Variants in MAPK4 observed in about 807,000 individuals in gnomAD.
The protein encoded by MAPK4 is mitogen-activated protein kinase 4.
Under a neutral mutation model 47.7 loss-of-function variants are expected in MAPK4, and 22 were observed. That is an observed-to-expected ratio of 0.46 (90% confidence interval 0.33 to 0.66). MAPK4 has a LOEUF of 0.66. Among genes scored for constraint, MAPK4 ranks in the 30% least tolerant of loss-of-function variants. The pLI is 0.02. For missense variants in MAPK4, 736 were observed against 831.7 expected, an observed-to-expected ratio of 0.88 and a Z score of 1.42; for synonymous variants, 390 against 365.7, an observed-to-expected ratio of 1.07 and a Z score of -0.76.
At chr18:50,587,809 A>C (rs557889438) in intron 1 of MAPK4, among the ~76,000 whole-genome samples, 1 of 152,048 alleles carries the variant, frequency 6.6e-6, no homozygotes, top group East Asian at 1.9e-4. Context: ...GCTCATTGCA[A>C]CTTCTGCCTC....
At chr18:50,673,582 C>T (rs944597798) in intron 2 of MAPK4, among the ~76,000 whole-genome samples, 5 of 151,732 alleles carry the variant, frequency 3.3e-5, no homozygotes, top group Non-Finnish European at 5.9e-5. Context: ...TTGGCCGTCG[C>T]GGTGGCTCAC....
intron 1 of MAPK4, among the ~76,000 whole-genome samples, chr18:50,641,303 T>C (rs1357492337): frequency 6.6e-6 from 1 of 151,322 alleles, no homozygotes; most frequent in East Asian, 1.9e-4. Context: ...CCTACCTTTC[T>C]TGGGTCTCAG....
intron 2 of MAPK4, among the ~76,000 whole-genome samples, chr18:50,682,941 G>A (rs914860142): frequency 6.6e-6 from 1 of 152,222 alleles, no homozygotes; most frequent in African/African-American, 2.4e-5. Flanking sequence ...TATCTCAGGA[G>A]AGTTGTGCTG....
In MAPK4 at chr18:50,585,038, G is replaced by A. The variant is rs375149842; in HGVS notation, c.-871+24795G>A. Among the ~76,000 whole-genome samples, 29 of 152,292 alleles carry A rather than the reference G, an allele frequency of 1.9e-4. No individual in the cohort carries two copies. In the East Asian group the frequency reaches 5.4e-3, roughly 28 times the overall value. ...TGTGTTGGAAAGGTCATTTTCCTAT[G>A]TAAAAAAGAAATTGTGTTATAATGC... On this transcript the variant is annotated intron_variant, in intron 1 of 5. Coordinates refer to ENST00000400384, the MANE Select transcript of MAPK4 (RefSeq NM_002747.4).
chr18:50,638,868 ATTATCCTGTTCTTCAGACAGGGAAC>A (rs2042912991), intron 1 of MAPK4, among the ~76,000 whole-genome samples: 1 of 152,112 alleles, frequency 6.6e-6, no homozygotes, highest in Non-Finnish European at 1.5e-5. Context: ...AGTGGATTTG[ATTATCCTGTTCTTCAGACAGGGAAC>A]TGAGACTCAG....
At chr18:50,704,917 C>T (rs903329283) in intron 2 of MAPK4, 44 of 397,270 alleles carry the variant, frequency 1.1e-4, no homozygotes, top group African/African-American at 7.8e-4. Context: ...ACCCACTCCT[C>T]AAAAGTGCTT....
intron 1 of MAPK4, among the ~76,000 whole-genome samples, chr18:50,561,466 A>G (rs1404419503): frequency 6.6e-6 from 1 of 152,232 alleles, no homozygotes. Context: ...GTGAAGCGTC[A>G]TGACGTTCTC....
At chr18:50,592,142 C>A (rs575332898) in intron 1 of MAPK4, among the ~76,000 whole-genome samples, 13 of 152,242 alleles carry the variant, frequency 8.5e-5, no homozygotes, top group African/African-American at 2.9e-4. Flanking sequence ...AGCTTGTAGA[C>A]CTTGCCTGTC....
chr18:50,584,297 T>C (rs2042370770), intron 1 of MAPK4, among the ~76,000 whole-genome samples: 1 of 152,192 alleles, frequency 6.6e-6, no homozygotes, highest in South Asian at 2.1e-4. Flanking sequence ...TCTGGGGTTA[T>C]GGTGGAGGAA....
At position 50,638,207 on chromosome 18, in the gene MAPK4, T is replaced by G. The variant is rs138882367; in HGVS notation, c.-870-24882T>G. 3.8e-3 allele frequency among the ~76,000 whole-genome samples: 585 copies of G among 152,284 alleles called. 2 individuals are homozygous for G. The highest frequency in any genetic ancestry group is 6.2e-3 in the Non-Finnish European group (419 of 68,028). On this transcript the variant is annotated intron_variant, in intron 1 of 5. Transcript: ENST00000400384. The stretch of plus-strand genomic sequence containing the variant: ...AATCTGTCTGTTTGGCAGCTATTTC[T>G]AGAGTGGAAAAAATCTCTGCCTCAT...
rs1598971771 is a variant in MAPK4 at position 50,731,486 on chromosome 18, A to G, written c.*1632A>G. 6.6e-6 allele frequency: 1 copy of G among 152,390 alleles called. No homozygotes were observed. Among genetic ancestry groups the G allele is most frequent in the South Asian group, 2.1e-4 (1 of 4,832 alleles). 9.4% of individuals were successfully genotyped at this position (152,390 alleles called of 1,614,324 possible). On this transcript the variant is annotated 3_prime_UTR_variant, in exon 6 of 6. Transcript: ENST00000400384. ...ACCTTAAATCTAATCAGCAAACTATAATTTGTACGTTGAAACCTGCAACAC... is the reference window on the plus strand; with the variant it reads ...ACCTTAAATCTAATCAGCAAACTATGATTTGTACGTTGAAACCTGCAACAC...
At chr18:50,673,535 G>A (rs755393323) in intron 2 of MAPK4, among the ~76,000 whole-genome samples, 2 of 152,184 alleles carry the variant, frequency 1.3e-5, no homozygotes, top group Non-Finnish European at 2.9e-5. Flanking sequence ...TTATTCTCAT[G>A]TTTAAAGTTT....
At chr18:50,654,427 G>C (rs1415523600) in intron 1 of MAPK4, among the ~76,000 whole-genome samples, 1 of 152,204 alleles carries the variant, frequency 6.6e-6, no homozygotes, top group South Asian at 2.1e-4. Context: ...AGATCCGGCT[G>C]GGATCACTTC....
rs1483309491 is a variant in MAPK4, at chr18:50,682,768, T to C, written c.546+18264T>C. 2.6e-5 allele frequency among the ~76,000 whole-genome samples: 4 copies of C among 152,260 alleles called. 1 individual carries two copies. Among genetic ancestry groups the C allele is most frequent in the Admixed American group, 2.6e-4 (4 of 15,288 alleles). ...CAAGAGAAATGAAAGCATATGTTCATAGAAAGACTTGTATACAAATGTTCA... is the reference window on the plus strand; with the variant it reads ...CAAGAGAAATGAAAGCATATGTTCACAGAAAGACTTGTATACAAATGTTCA... On this transcript the variant is annotated intron_variant, in intron 2 of 5. Coordinates refer to ENST00000400384, the MANE Select transcript of MAPK4 (RefSeq NM_002747.4).
intron 1 of MAPK4, among the ~76,000 whole-genome samples, chr18:50,606,632 C>G (rs1330670187): frequency 6.6e-6 from 1 of 152,178 alleles, no homozygotes; most frequent in Non-Finnish European, 1.5e-5. Flanking sequence ...TAAACCAAGG[C>G]TGGGATTGGC....
At chr18:50,660,701 G>T (rs566619618) in intron 1 of MAPK4, among the ~76,000 whole-genome samples, 1 of 152,214 alleles carries the variant, frequency 6.6e-6, no homozygotes, top group African/African-American at 2.4e-5. Context: ...AAAGAAGTGA[G>T]ACTTTGGATT....
chr18:50,623,998 G>A (rs79789420), intron 1 of MAPK4, among the ~76,000 whole-genome samples: 2,209 of 152,324 alleles, frequency 0.015, 52 homozygotes, highest in African/African-American at 0.05. Context: ...CTCAGGCCAC[G>A]TGATTTCTTT....
intron 2 of MAPK4, among the ~76,000 whole-genome samples, chr18:50,695,527 G>A (rs534274434): frequency 2.6e-5 from 4 of 152,116 alleles, no homozygotes; most frequent in East Asian, 3.9e-4. Context: ...AGGGCATTCC[G>A]AGGACAGGGC....
chr18:50,603,016 A>T (rs2042553470), intron 1 of MAPK4, among the ~76,000 whole-genome samples: 1 of 152,158 alleles, frequency 6.6e-6, no homozygotes, highest in African/African-American at 2.4e-5. Flanking sequence ...AATAAATTTC[A>T]TCCAAGACCT....
Sources: gnomAD v4.1 joint callset for allele counts (sites outside exome capture counted in the v4.1 genomes callset) on GRCh38, gnomAD v4.1.1 for gene constraint, MANE v1.5 for transcripts, NCBI Gene and HGNC (gene_info 2026-07-23, HGNC 2026-07-21) for gene names.